GPD2: variants seen among roughly 807,000 people sequenced by gnomAD.
The protein encoded by GPD2 is glycerol-3-phosphate dehydrogenase, mitochondrial.
GPD2 carries 54 observed loss-of-function variants against 82.4 expected under a neutral mutation model. The observed-to-expected ratio is 0.66, with a 90% CI of 0.53 to 0.82. The LOEUF (loss-of-function observed/expected upper bound fraction) is 0.82. Ranked by LOEUF, GPD2 falls within the 40% of genes least tolerant of loss-of-function variation. GPD2 has a pLI of 0.00. For missense variants in GPD2, 748 were observed against 896.2 expected (o/e 0.83, Z 2.11); for synonymous variants, 288 against 306.1 (o/e 0.94, Z 0.62).
chr2:156,451,218 C>T lies in GPD2; in HGVS notation c.-9+14705C>T, dbSNP rs573048012. On this transcript the variant is annotated intron_variant, in intron 1 of 16. Transcript: ENST00000438166. Reference sequence around the variant, plus strand: ...GGGGTGGTGGCCGGGCAGAGGGGCTCCTCACCTCCCAGTAGGGGTGGCCGG... The same window carrying T: ...GGGGTGGTGGCCGGGCAGAGGGGCTTCTCACCTCCCAGTAGGGGTGGCCGG... 8.0e-3 allele frequency among the ~76,000 whole-genome samples: 1,220 copies of T among 152,178 alleles called. 5 individuals carry two copies. Among genetic ancestry groups the T allele is most frequent in the Non-Finnish European group, 0.012 (787 of 67,980 alleles).
intron 1 of GPD2, among the ~76,000 whole-genome samples, chr2:156,462,884 A>T (rs1683038254): frequency 6.6e-6 from 1 of 152,202 alleles, no homozygotes; most frequent in African/African-American, 2.4e-5. Flanking sequence ...TGACGAGTTA[A>T]TGGGTGCAGC....
At chr2:156,451,447 G>A (rs1201333627) in intron 1 of GPD2, among the ~76,000 whole-genome samples, 1 of 120,908 alleles carries the variant, frequency 8.3e-6, no homozygotes, top group Admixed American at 7.9e-5. Flanking sequence ...CTCCCGGACG[G>A]GGCGGCTGGC....
intron 6 of GPD2, among the ~76,000 whole-genome samples, chr2:156,539,708 T>G (rs1261491178): frequency 6.6e-6 from 1 of 152,060 alleles, no homozygotes; most frequent in African/African-American, 2.4e-5. Context: ...CAGCATTTTG[T>G]AAAAAGTTGT....
intron 1 of GPD2, among the ~76,000 whole-genome samples, chr2:156,448,810 C>G (rs1682455453): frequency 6.6e-6 from 1 of 152,238 alleles, no homozygotes; most frequent in African/African-American, 2.4e-5. Flanking sequence ...CAAATGACCA[C>G]AAACTTGGTG....
the GPD2 span, among the ~76,000 whole-genome samples, chr2:156,421,837 G>A: frequency 6.6e-6 from 1 of 152,156 alleles, no homozygotes; most frequent in African/African-American, 2.4e-5. Flanking sequence ...GTGTTAAAAA[G>A]TATTTAAGTC....
intron 6 of GPD2, among the ~76,000 whole-genome samples, chr2:156,531,261 G>C (rs1685847580): frequency 2.0e-5 from 3 of 152,048 alleles, no homozygotes; most frequent in Admixed American, 1.3e-4. Flanking sequence ...CCACAGATTG[G>C]TGTTAGTGTT....
intron 6 of GPD2, among the ~76,000 whole-genome samples, chr2:156,536,994 G>A (rs1558949091): frequency 6.6e-6 from 1 of 152,190 alleles, no homozygotes; most frequent in Non-Finnish European, 1.5e-5. Context: ...GAATGTCAGA[G>A]CTTTGGCTAA....
chr2:156,520,686 G>A (rs1685372715), intron 6 of GPD2, among the ~76,000 whole-genome samples: 1 of 151,952 alleles, frequency 6.6e-6, no homozygotes, highest in Non-Finnish European at 1.5e-5. Context: ...CCGGGCTCAA[G>A]CCATTATCCC....
At chr2:156,504,042 A>G (rs1307109221) in intron 3 of GPD2, among the ~76,000 whole-genome samples, 1 of 152,182 alleles carries the variant, frequency 6.6e-6, no homozygotes, top group African/African-American at 2.4e-5. Flanking sequence ...ACATTAAAGT[A>G]TGTTAATGAT....
intron 6 of GPD2, among the ~76,000 whole-genome samples, chr2:156,546,009 TC>T (rs1441053261): frequency 6.6e-6 from 1 of 152,228 alleles, no homozygotes; most frequent in East Asian, 1.9e-4. Context: ...CAACCTTCAT[TC>T]TTTTTGGTGG....
At chr2:156,481,607 C>G (rs182369021) in intron 2 of GPD2, among the ~76,000 whole-genome samples, 17 of 151,328 alleles carry the variant, frequency 1.1e-4, no homozygotes, top group African/African-American at 4.1e-4. Flanking sequence ...GTCCTCCAGG[C>G]TCATCTGTGT....
intron 2 of GPD2, among the ~76,000 whole-genome samples, chr2:156,482,552 C>T (rs1208077625): frequency 6.6e-6 from 1 of 152,152 alleles, no homozygotes; most frequent in African/African-American, 2.4e-5. Flanking sequence ...GGGAAAAAAG[C>T]TCTAACTTTT....
rs1157810322 is a variant in GPD2 at position 156,569,989 on chromosome 2, G to A, written c.1477-98G>A. On this transcript the variant is annotated intron_variant, in intron 11 of 16. Coordinates refer to ENST00000438166, the MANE Select transcript of GPD2 (RefSeq NM_000408.5). ...CTCCGAGAGCTATTAGTTACAGGCT[G>A]TAAGAAAACTGACAAGATAAGCATG... 5.6e-6 allele frequency: 6 copies of A among 1,073,478 alleles called. No homozygotes were observed. The African/African-American group carries it at 9.3e-5, about 17-fold the overall frequency. 66.5% of individuals were successfully genotyped at this position (1,073,478 alleles called of 1,614,324 possible).
chr2:156,476,025 T>C, intron 1 of GPD2, 73 bp from the exon 2 acceptor site: 1 of 804,054 alleles, frequency 1.2e-6, no homozygotes. Flanking sequence ...ATCTACACAG[T>C]GTCTTATTAT....
At chr2:156,428,002 G>A in the GPD2 span, among the ~76,000 whole-genome samples, 1 of 152,118 alleles carries the variant, frequency 6.6e-6, no homozygotes, top group Admixed American at 6.6e-5. Context: ...TTAAGGATAA[G>A]TATGATTGCA....
At chr2:156,405,061 A>C in the GPD2 span, among the ~76,000 whole-genome samples, 15 of 152,152 alleles carry the variant, frequency 9.9e-5, no homozygotes, top group African/African-American at 3.1e-4. Flanking sequence ...GGAGAAACTA[A>C]AAATAGAGAA....
chr2:156,550,892 C>A, intron 8 of GPD2, 146 bp downstream of exon 8: 1 of 762,818 alleles, frequency 1.3e-6, no homozygotes, highest in Non-Finnish European at 2.2e-6. Flanking sequence ...TCTTCCAAAA[C>A]ACAAAATACA....
In GPD2 at chr2:156,572,186, C is replaced by G. The variant is rs1451572271; in HGVS notation, c.1767+894C>G. Among the ~76,000 whole-genome samples, 8 of 152,252 alleles carry G rather than the reference C, an allele frequency of 5.3e-5. No homozygotes were observed. The South Asian group carries it at 1.7e-3, about 32-fold the overall frequency. ...AAAACTACTACTCCTATAGACTTTT[C>G]CATGTCATAAATAGCTATCCTTCAG... On this transcript the variant is annotated intron_variant, in intron 13 of 16. Transcript: ENST00000438166.
intron 2 of GPD2, among the ~76,000 whole-genome samples, chr2:156,483,554 C>A (rs955524001): frequency 5.3e-5 from 8 of 152,074 alleles, no homozygotes; most frequent in Non-Finnish European, 1.2e-4. Context: ...AATAGCTGAA[C>A]TTTTGGTTGG....
Sources: gnomAD v4.1 joint callset for allele counts (sites outside exome capture counted in the v4.1 genomes callset) on GRCh38, gnomAD v4.1.1 for gene constraint, MANE v1.5 for transcripts, NCBI Gene and HGNC (gene_info 2026-07-23, HGNC 2026-07-21) for gene names.